Variants in AGMO observed in about 807,000 individuals in gnomAD.
AGMO encodes alkylglycerol monooxygenase, also known as glyceryl-ether monooxygenase.
AGMO carries 75 observed loss-of-function variants against 60.2 expected under a neutral mutation model. The observed-to-expected ratio is 1.25, with a 90% CI of 1.03 to 1.51. The LOEUF (loss-of-function observed/expected upper bound fraction) is 1.51, where lower values mean the gene tolerates loss of function less well. Among genes scored for constraint, AGMO ranks in the 40% most tolerant of loss-of-function variants. The probability of loss-of-function intolerance (pLI) is 0.00; values close to 1 mark genes in which losing one functional copy is unlikely to be tolerated. For synonymous variants in AGMO, 261 were observed against 177.1 expected (o/e 1.47, Z -3.76); for missense variants, 763 against 525.5 (o/e 1.45, Z -4.42).
At chr7:15,417,276 G>A (rs940376105) in intron 5 of AGMO, among the ~76,000 whole-genome samples, 2 of 152,106 alleles carry the variant, frequency 1.3e-5, no homozygotes, top group Non-Finnish European at 2.9e-5. Flanking sequence ...TGGCAAACAG[G>A]AATAAGTCTC....
intron 6 of AGMO, among the ~76,000 whole-genome samples, chr7:15,393,297 C>G (rs1450168170): frequency 6.6e-6 from 1 of 152,188 alleles, no homozygotes; most frequent in Non-Finnish European, 1.5e-5. Context: ...CCGAGGAAGA[C>G]TGGAAACTTA....
At chr7:15,368,394 C>T (rs1413024115) in intron 10 of AGMO, among the ~76,000 whole-genome samples, 2 of 151,256 alleles carry the variant, frequency 1.3e-5, no homozygotes, top group East Asian at 1.9e-4. Flanking sequence ...GTGGTTTTGG[C>T]GGGGAAAAAT....
intron 3 of AGMO, among the ~76,000 whole-genome samples, chr7:15,477,213 A>G (rs1782618794): frequency 6.6e-6 from 1 of 152,120 alleles, no homozygotes; most frequent in Non-Finnish European, 1.5e-5. Flanking sequence ...GTATGAATGA[A>G]ACATTAAAAT....
chr7:15,441,779 GA>G lies in AGMO; in HGVS notation c.410-10672del, dbSNP rs573023351. Among the ~76,000 whole-genome samples, 158 of 152,178 alleles carry G rather than the reference GA, an allele frequency of 1.0e-3. 1 individual carries two copies. The highest frequency in any genetic ancestry group is 2.2e-3 in the Admixed American group (33 of 15,286). Reference sequence around the variant, plus strand: ...CATTTTGAAAGGAGACGAACATAAGGAAAGCAAAACAACCAGGAATTCTTAG... The same window carrying G: ...CATTTTGAAAGGAGACGAACATAAGGAAGCAAAACAACCAGGAATTCTTAG... On this transcript the variant is annotated intron_variant, in intron 3 of 12. Coordinates refer to ENST00000342526, the MANE Select transcript of AGMO (RefSeq NM_001004320.2).
intron 5 of AGMO, among the ~76,000 whole-genome samples, chr7:15,412,533 A>G (rs1209922897): frequency 6.6e-6 from 1 of 152,058 alleles, no homozygotes; most frequent in Non-Finnish European, 1.5e-5. Flanking sequence ...GCAAGACACT[A>G]AGAAACCTGA....
the AGMO span, among the ~76,000 whole-genome samples, chr7:15,194,352 T>G: frequency 6.6e-6 from 1 of 151,158 alleles, no homozygotes; most frequent in South Asian, 2.1e-4. Context: ...ACAAGGTAAT[T>G]TTAATGGTTA....
the AGMO span, among the ~76,000 whole-genome samples, chr7:15,184,291 A>AGGG: frequency 5.5e-5 from 4 of 72,100 alleles, no homozygotes; most frequent in African/African-American, 1.6e-4. Context: ...GGAAGGAAGG[A>AGGG]AGGGAGGCAG....
At chr7:15,509,371 CA>C (rs56841825) in intron 3 of AGMO, among the ~76,000 whole-genome samples, 45 of 145,728 alleles carry the variant, frequency 3.1e-4, no homozygotes, top group South Asian at 4.3e-4. Context: ...GACCCACATG[CA>C]AAAAAAAAAA....
intron 10 of AGMO, among the ~76,000 whole-genome samples, chr7:15,377,361 A>G (rs775805676): frequency 1.3e-5 from 2 of 151,842 alleles, no homozygotes; most frequent in East Asian, 1.9e-4. Flanking sequence ...CTTCGTCAAT[A>G]TATCTACATG....
intron 3 of AGMO, among the ~76,000 whole-genome samples, chr7:15,448,913 A>C (rs1255632437): frequency 1.3e-5 from 2 of 152,146 alleles, no homozygotes; most frequent in African/African-American, 4.8e-5. Flanking sequence ...TCTTATTGTC[A>C]CTGTTTTAAG....
chr7:15,492,321 A>T (rs998312901), intron 3 of AGMO, among the ~76,000 whole-genome samples: 3 of 148,824 alleles, frequency 2.0e-5, no homozygotes, highest in African/African-American at 7.5e-5. Flanking sequence ...AATGGAACCG[A>T]TTGCAAACCC....
intron 3 of AGMO, among the ~76,000 whole-genome samples, chr7:15,451,565 A>G (rs1042304702): frequency 6.6e-6 from 1 of 152,142 alleles, no homozygotes; most frequent in African/African-American, 2.4e-5. Flanking sequence ...AAATTCCCTC[A>G]GGTCTCTTTT....
chr7:15,256,846 C>G (rs1407113413), intron 12 of AGMO, among the ~76,000 whole-genome samples: 1 of 152,108 alleles, frequency 6.6e-6, no homozygotes, highest in Non-Finnish European at 1.5e-5. Flanking sequence ...ATGATGTTCA[C>G]CAACAATTCT....
chr7:15,393,178 T>C (rs1784221082), intron 6 of AGMO, among the ~76,000 whole-genome samples: 1 of 151,918 alleles, frequency 6.6e-6, no homozygotes. Context: ...GCCTGTGCCC[T>C]CTGATCTGGC....
chr7:15,530,324 G>C (rs566944051), intron 3 of AGMO, among the ~76,000 whole-genome samples: 2 of 75,008 alleles, frequency 2.7e-5, no homozygotes, highest in East Asian at 5.0e-4. Context: ...TTCTATATAC[G>C]TATTTCCATA....
At position 15,395,436 on chromosome 7, in the gene AGMO, G is replaced by A. The variant is rs991536348; in HGVS notation, c.610-1257C>T. ...ACCTAACATAAAAGACATTTTATAG[G>A]CAAAAAACAAAAATTTATAATAAAC... is the stretch of plus-strand genomic sequence containing the variant. On this transcript the variant is annotated intron_variant, in intron 5 of 12. Transcript: ENST00000342526. Among the ~76,000 whole-genome samples, 7 of 151,698 alleles carry A rather than the reference G, an allele frequency of 4.6e-5. No homozygotes were observed. The East Asian group carries it at 5.8e-4, about 13-fold the overall frequency.
At chr7:15,397,047 C>T (rs1266510434) in intron 5 of AGMO, among the ~76,000 whole-genome samples, 1 of 152,142 alleles carries the variant, frequency 6.6e-6, no homozygotes, top group East Asian at 1.9e-4. Context: ...TTCTCCAAGT[C>T]ACCACCGGTC....
chr7:15,336,596 A>C (rs560102808), intron 12 of AGMO, among the ~76,000 whole-genome samples: 2 of 152,226 alleles, frequency 1.3e-5, no homozygotes, highest in African/African-American at 4.8e-5. Flanking sequence ...TTGTCATTTA[A>C]ATGTGTGCCA....
At chr7:15,299,270 G>T (rs1231998171) in intron 12 of AGMO, among the ~76,000 whole-genome samples, 1 of 151,990 alleles carries the variant, frequency 6.6e-6, no homozygotes, top group Non-Finnish European at 1.5e-5. Flanking sequence ...TATTGCTTCA[G>T]TGAAAGTAAA....
Sources: gnomAD v4.1 joint callset for allele counts (sites outside exome capture counted in the v4.1 genomes callset) on GRCh38, gnomAD v4.1.1 for gene constraint, MANE v1.5 for transcripts, NCBI Gene and HGNC (gene_info 2026-07-23, HGNC 2026-07-21) for gene names.